The following TRIM2 variants were observed in gnomAD, a reference collection of about 807,000 sequenced individuals.
TRIM2 encodes the protein tripartite motif containing 2.
Under a neutral mutation model 75.2 loss-of-function variants are expected in TRIM2, and 20 were observed. The observed-to-expected ratio is 0.27, with a 90% CI of 0.19 to 0.39. The LOEUF (loss-of-function observed/expected upper bound fraction) is 0.39. Among genes scored for constraint, TRIM2 ranks in the 10% least tolerant of loss-of-function variants. The probability of loss-of-function intolerance (pLI) is 1.00; values close to 1 mark genes in which losing one functional copy is unlikely to be tolerated. For synonymous variants in TRIM2, 373 were observed against 388.3 expected (o/e 0.96, Z 0.46); for missense variants, 660 against 990.8 (o/e 0.67, Z 4.48).
intron 1 of TRIM2, among the ~76,000 whole-genome samples, chr4:153,213,585 T>C (rs537461440): frequency 2.6e-5 from 4 of 152,328 alleles, no homozygotes; most frequent in African/African-American, 9.6e-5. Flanking sequence ...TGGAGTGCAG[T>C]GGCACGATTT....
intron 1 of TRIM2, among the ~76,000 whole-genome samples, chr4:153,255,562 G>A (rs1041693905): frequency 3.3e-5 from 5 of 152,148 alleles, no homozygotes; most frequent in African/African-American, 1.2e-4. Context: ...ACTCAGTGGG[G>A]GTAGCCTGCT....
intron 1 of TRIM2, among the ~76,000 whole-genome samples, chr4:153,207,299 G>T (rs1735747676): frequency 1.3e-5 from 2 of 152,248 alleles, no homozygotes; most frequent in Admixed American, 1.3e-4. Context: ...GCCGATGGGG[G>T]ACAGACGACA....
intron 1 of TRIM2, among the ~76,000 whole-genome samples, chr4:153,173,363 T>G (rs1731072585): frequency 6.6e-6 from 1 of 151,794 alleles, no homozygotes; most frequent in Admixed American, 6.6e-5. Context: ...CTATTTAAAT[T>G]TTCTTAAATT....
intron 1 of TRIM2, among the ~76,000 whole-genome samples, chr4:153,244,818 G>T (rs982618817): frequency 1.3e-5 from 2 of 152,176 alleles, no homozygotes; most frequent in Admixed American, 6.5e-5. Context: ...ACTTAAGAGG[G>T]AAAGGGAGAA....
chr4:153,257,142 C>A (rs1198962014), intron 1 of TRIM2, among the ~76,000 whole-genome samples: 1 of 152,184 alleles, frequency 6.6e-6, no homozygotes, highest in Admixed American at 6.5e-5. Flanking sequence ...GCACTCCCTT[C>A]GTCTGATTTG....
chr4:153,202,736 AG>A (rs1224783578), upstream of TRIM2, among the ~76,000 whole-genome samples: 3 of 151,496 alleles, frequency 2.0e-5, no homozygotes, highest in East Asian at 5.8e-4. Context: ...AAGGAAAAAA[AG>A]CCCTACAGTT....
At chr4:153,201,363 T>C (rs1734351041), upstream of TRIM2, among the ~76,000 whole-genome samples, 1 of 152,232 alleles carries the variant, frequency 6.6e-6, no homozygotes, top group Non-Finnish European at 1.5e-5. Context: ...AAATATCTAT[T>C]TAAGACCTTT....
upstream of TRIM2, among the ~76,000 whole-genome samples, chr4:153,202,453 T>C (rs534980566): frequency 5.2e-4 from 79 of 152,294 alleles, no homozygotes; most frequent in African/African-American, 1.9e-3. Context: ...TCCCAGCACT[T>C]TGGGAGGCCA....
chr4:153,208,222 T>G (rs1409357984), intron 1 of TRIM2, among the ~76,000 whole-genome samples: 1 of 152,062 alleles, frequency 6.6e-6, no homozygotes, highest in African/African-American at 2.4e-5. Flanking sequence ...CACTTGAGCC[T>G]GGGAGGTGGA....
chr4:153,306,453 A>C lies in TRIM2; in HGVS notation c.1511-9032A>C, dbSNP rs541775862. On this transcript the variant is annotated intron_variant, in intron 6 of 11. Transcript: ENST00000338700. ...TTGAAGTGTATAGTAGGCAGTTTGC[A>C]GTATAGGTTTGGAGCTCAGCAAAGA... Among the ~76,000 whole-genome samples the C allele has an allele frequency of 1.1e-4, 17 of 152,276 alleles. No homozygotes were observed. The South Asian group carries it at 2.5e-3, about 22-fold the overall frequency.
chr4:153,287,101 C>T (rs951385841), intron 3 of TRIM2, among the ~76,000 whole-genome samples: 1 of 152,076 alleles, frequency 6.6e-6, no homozygotes, highest in East Asian at 1.9e-4. Context: ...GCCTCAGCCT[C>T]CTGAAGGCCA....
At chr4:153,249,270 T>C (rs1750169326) in intron 1 of TRIM2, among the ~76,000 whole-genome samples, 1 of 152,254 alleles carries the variant, frequency 6.6e-6, no homozygotes, top group East Asian at 1.9e-4. Flanking sequence ...CCTTCTTTTC[T>C]TCCGCCTGAG....
intron 3 of TRIM2, among the ~76,000 whole-genome samples, chr4:153,287,622 G>T (rs927610806): frequency 6.6e-6 from 1 of 151,764 alleles, no homozygotes; most frequent in African/African-American, 2.4e-5. Flanking sequence ...TGCCCTGAGG[G>T]TTATAATTAA....
rs563566501 is a variant in TRIM2 at position 153,248,157 on chromosome 4, G to A, written c.31-22178G>A. ...ATTACAGGCGCCTGCCACCATGCCCGGCTAATTTTTATACTTTTAATAGAG... is the reference window on the plus strand; with the variant it reads ...ATTACAGGCGCCTGCCACCATGCCCAGCTAATTTTTATACTTTTAATAGAG... On this transcript the variant is annotated intron_variant, in intron 1 of 11. Transcript: ENST00000338700. The surrounding 1 kb of genome is among the most constrained non-coding windows in gnomAD (Gnocchi z 4.0). Among the ~76,000 whole-genome samples, 94 of 152,020 alleles carry A rather than the reference G, an allele frequency of 6.2e-4. No individual in the cohort carries two copies. Among genetic ancestry groups the A allele is most frequent in the African/African-American group, 2.1e-3 (86 of 41,468 alleles).
intron 6 of TRIM2, among the ~76,000 whole-genome samples, chr4:153,306,014 A>C (rs1465043928): frequency 1.3e-5 from 2 of 152,150 alleles, no homozygotes; most frequent in Non-Finnish European, 2.9e-5. Context: ...GGGTGCCTGT[A>C]ATCCCAGCTA....
At chr4:153,294,227 C>A in intron 4 of TRIM2, 78 bp from the exon 5 acceptor site, 1 of 1,464,278 alleles carries the variant, frequency 6.8e-7, no homozygotes, top group Admixed American at 2.2e-5. Context: ...TTTTTTTAAA[C>A]AAAATGTAGT....
chr4:153,172,706 G>C (rs950621511), intron 1 of TRIM2, among the ~76,000 whole-genome samples: 4 of 152,188 alleles, frequency 2.6e-5, no homozygotes, highest in Admixed American at 6.5e-5. Context: ...CATAAAACAG[G>C]ATAGGAACAT....
At chr4:153,233,002 T>A (rs1744071508) in intron 1 of TRIM2, among the ~76,000 whole-genome samples, 1 of 152,282 alleles carries the variant, frequency 6.6e-6, no homozygotes, top group South Asian at 2.1e-4. Flanking sequence ...GCCCCCTCTC[T>A]AGACATAGAT....
chr4:153,272,413 G>T (rs1002368875), intron 2 of TRIM2, among the ~76,000 whole-genome samples: 2 of 152,290 alleles, frequency 1.3e-5, no homozygotes, highest in East Asian at 3.9e-4. Context: ...CTCCCAAAGT[G>T]CTGGGATTAC....
Sources: allele counts gnomAD v4.1 joint callset (sites outside exome capture counted in the v4.1 genomes callset), GRCh38; gene constraint gnomAD v4.1.1; non-coding constraint Gnocchi (gnomAD v3.1); transcripts MANE v1.5; gene names NCBI Gene and HGNC (gene_info 2026-07-23, HGNC 2026-07-21).